CA10: variants seen among roughly 807,000 people sequenced by gnomAD.
CA10 encodes carbonic anhydrase-related protein 10.
CA10 carries 14 observed loss-of-function variants against 44.2 expected under a neutral mutation model. The observed-to-expected ratio is 0.32, with a 90% CI of 0.21 to 0.50. The LOEUF (loss-of-function observed/expected upper bound fraction) is 0.50, where lower values mean the gene tolerates loss of function less well. CA10 is among the 20% of genes least tolerant of loss of function. CA10 has a pLI of 0.99. For synonymous variants in CA10, 159 were observed against 141.6 expected (o/e 1.12, Z -0.87); for missense variants, 350 against 409.7 (o/e 0.85, Z 1.26).
intron 1 of CA10, among the ~76,000 whole-genome samples, chr17:52,086,676 C>A (rs1012589233): frequency 2.6e-5 from 4 of 152,264 alleles, no homozygotes; most frequent in African/African-American, 7.2e-5. Flanking sequence ...TTTTCCACTC[C>A]CTTAAAATGG....
Position 51,631,374 on chromosome 17 carries a change from G to A in CA10, c.*210C>T, listed in dbSNP as rs915634555. On this transcript the variant is annotated 3_prime_UTR_variant, in exon 9 of 9. Transcript: ENST00000451037. ...TGCATGTGTTTGTATGTATGTGCAA[G>A]TGCTTGTGTGTGTGTTTGTGAGTAT... 10 of 633,930 alleles carry A rather than the reference G, an allele frequency of 1.6e-5. No homozygotes were observed. The Admixed American group carries it at 2.2e-4, about 14-fold the overall frequency. The allele number at this position is 633,930 out of a possible 1,614,324, so 39.3% of individuals were successfully genotyped here.
At chr17:52,157,669 C>T (rs1013872136) in intron 1 of CA10, 57 bp downstream of exon 1, 8 of 1,500,464 alleles carry the variant, frequency 5.3e-6, no homozygotes, top group Middle Eastern at 1.7e-4. Flanking sequence ...AAACCCCATA[C>T]ACCCCAGACA....
intron 6 of CA10, 99 bp downstream of exon 6, chr17:51,649,083 G>A: frequency 1.3e-6 from 1 of 795,546 alleles, no homozygotes; most frequent in South Asian, 1.6e-5. Flanking sequence ...TCATGAAACT[G>A]AAAAGGGCCC....
At position 51,696,233 on chromosome 17, in the gene CA10, A is replaced by G. The variant is rs143884683; in HGVS notation, c.466-42497T>C. On this transcript the variant is annotated intron_variant, in intron 4 of 8. Coordinates refer to ENST00000451037, the MANE Select transcript of CA10 (RefSeq NM_020178.5). ...TCCTTGATTTTTTGGAATAGTTTCAATAGAGTTGGTACCAGCTATCCTTTG... is the reference window on the plus strand; with the variant it reads ...TCCTTGATTTTTTGGAATAGTTTCAGTAGAGTTGGTACCAGCTATCCTTTG... 3.3e-5 allele frequency among the ~76,000 whole-genome samples: 5 copies of G among 152,238 alleles called. No homozygotes were observed. In the East Asian group the frequency reaches 5.8e-4, roughly 18 times the overall value.
intron 3 of CA10, among the ~76,000 whole-genome samples, chr17:51,817,731 TC>T (rs1907620371): frequency 6.6e-6 from 1 of 152,208 alleles, no homozygotes; most frequent in Admixed American, 6.5e-5. Flanking sequence ...AGCTGGTTTG[TC>T]CCATATCTTT....
intron 2 of CA10, among the ~76,000 whole-genome samples, chr17:51,941,352 A>G (rs987455342): frequency 3.9e-5 from 6 of 152,206 alleles, no homozygotes. Context: ...TGACGTAGGC[A>G]TTAAGCTCTT....
chr17:51,867,066 C>A (rs1163558830), intron 3 of CA10, among the ~76,000 whole-genome samples: 1 of 151,888 alleles, frequency 6.6e-6, no homozygotes, highest in Admixed American at 6.6e-5. Flanking sequence ...ATTTCTTTGG[C>A]TCCCCTGTGC....
At chr17:51,811,002 C>T (rs983725877) in intron 3 of CA10, among the ~76,000 whole-genome samples, 7 of 152,136 alleles carry the variant, frequency 4.6e-5, no homozygotes, top group African/African-American at 1.7e-4. Context: ...TTGAGACCAG[C>T]CTGGCCAACA....
At chr17:52,135,044 G>A in intron 1 of CA10, 1 of 494,584 alleles carries the variant, frequency 2.0e-6, no homozygotes, top group Non-Finnish European at 4.0e-6. Context: ...GCCCTCCTGA[G>A]GTCGCCTGTG....
chr17:51,756,301 A>T (rs1366261035), intron 3 of CA10, among the ~76,000 whole-genome samples: 1 of 152,026 alleles, frequency 6.6e-6, no homozygotes, highest in East Asian at 1.9e-4. Context: ...ATATGAGGAG[A>T]CAGAAGCTCA....
chr17:51,944,103 A>G (rs1983186555), intron 2 of CA10, among the ~76,000 whole-genome samples: 2 of 152,156 alleles, frequency 1.3e-5, no homozygotes, highest in Non-Finnish European at 2.9e-5. Context: ...CCCAAGAAAG[A>G]AAAAGAATGT....
chr17:51,695,719 G>A (rs188597666), intron 4 of CA10, among the ~76,000 whole-genome samples: 16 of 152,246 alleles, frequency 1.1e-4, no homozygotes, highest in Admixed American at 5.9e-4. Context: ...GAAGTAGTGA[G>A]AATGAGCATC....
At chr17:51,986,311 A>G (rs1269053755) in intron 2 of CA10, among the ~76,000 whole-genome samples, 2 of 152,032 alleles carry the variant, frequency 1.3e-5, no homozygotes, top group African/African-American at 4.8e-5. Context: ...CATGTAAGAG[A>G]ATGAAACTGG....
intron 2 of CA10, among the ~76,000 whole-genome samples, chr17:51,985,880 C>T (rs1195489151): frequency 6.6e-6 from 1 of 151,870 alleles, no homozygotes; most frequent in African/African-American, 2.4e-5. Context: ...GAAAACATAT[C>T]CCATACTCAC....
At chr17:51,701,947 T>C (rs936384215) in intron 4 of CA10, among the ~76,000 whole-genome samples, 1 of 152,186 alleles carries the variant, frequency 6.6e-6, no homozygotes, top group Non-Finnish European at 1.5e-5. Context: ...CCCTGGGTCT[T>C]GTCCTCAGGT....
At chr17:51,994,403 G>A (rs203040) in intron 2 of CA10, among the ~76,000 whole-genome samples, 71,877 of 151,852 alleles carry the variant, frequency 0.47, 17,523 homozygotes, top group African/African-American at 0.55. Context: ...GTCAAGTCAC[G>A]TTTCTTTTCT....
At chr17:51,979,780 T>A (rs763043054) in intron 2 of CA10, among the ~76,000 whole-genome samples, 3 of 152,154 alleles carry the variant, frequency 2.0e-5, no homozygotes, top group Non-Finnish European at 4.4e-5. Context: ...TTTCTGTTAC[T>A]GCTATTGTTT....
chr17:52,097,983 G>A (rs565742989), intron 1 of CA10, among the ~76,000 whole-genome samples: 3 of 152,256 alleles, frequency 2.0e-5, no homozygotes, highest in East Asian at 1.9e-4. Flanking sequence ...CTCTTCCAGC[G>A]GAGGCCCCCC....
intron 2 of CA10, among the ~76,000 whole-genome samples, chr17:51,957,205 A>C (rs187005740): frequency 1.1e-4 from 16 of 152,280 alleles, no homozygotes; most frequent in African/African-American, 3.9e-4. Flanking sequence ...TAACGATTTT[A>C]TACAAATTGA....
Sources: gnomAD v4.1 joint callset for allele counts (sites outside exome capture counted in the v4.1 genomes callset) on GRCh38, gnomAD v4.1.1 for gene constraint, MANE v1.5 for transcripts, NCBI Gene and HGNC (gene_info 2026-07-23, HGNC 2026-07-21) for gene names.